The following TBC1D7 variants were observed in gnomAD, a reference collection of about 807,000 sequenced individuals.
TBC1D7 encodes TBC domain family 7.
A neutral mutation model predicts 35.3 loss-of-function variants in TBC1D7; 33 were observed. The ratio of observed to expected loss-of-function variants is 0.93; its 90% CI spans 0.71 to 1.25. The LOEUF is 1.25. Ranked by LOEUF, TBC1D7 falls within the 50% of genes most tolerant of loss-of-function variation. The pLI is 0.00. For missense variants in TBC1D7, 362 were observed against 365.3 expected (o/e 0.99, Z 0.07); for synonymous variants, 135 against 129.5 (o/e 1.04, Z -0.29).
At chr6:13,308,083 T>C (rs920129199) in intron 5 of TBC1D7, among the ~76,000 whole-genome samples, 1 of 152,164 alleles carries the variant, frequency 6.6e-6, no homozygotes, top group African/African-American at 2.4e-5. Flanking sequence ...CAAAATTCAG[T>C]TGTTCTGAGG....
chr6:13,306,255 T>C (rs933316130), intron 7 of TBC1D7, 143 bp downstream of exon 7: 1 of 599,362 alleles, frequency 1.7e-6, no homozygotes, highest in South Asian at 3.0e-5. Flanking sequence ...ATCATTATTA[T>C]AATTATTCTC....
At chr6:13,315,276 C>T (rs919971925) in intron 5 of TBC1D7, among the ~76,000 whole-genome samples, 2 of 152,172 alleles carry the variant, frequency 1.3e-5, no homozygotes, top group Non-Finnish European at 2.9e-5. Flanking sequence ...GCCTACTCAA[C>T]GTGAAGACAA....
chr6:13,319,200 CAGTAA>C, intron 4 of TBC1D7: 1 of 152,406 alleles, frequency 6.6e-6, no homozygotes, highest in African/African-American at 2.4e-5. Flanking sequence ...TGGCTCACGC[CAGTAA>C]TCACAGCACT....
intron 5 of TBC1D7, among the ~76,000 whole-genome samples, chr6:13,309,099 T>A (rs1562158094): frequency 6.6e-6 from 1 of 152,244 alleles, no homozygotes; most frequent in Non-Finnish European, 1.5e-5. Context: ...AACCTCCCTA[T>A]ACTGCTCAAC....
rs780423172 is a variant in TBC1D7, at chr6:13,320,760, T to C, written c.381+148A>G. 8.7e-6 allele frequency: 7 copies of C among 802,710 alleles called. No individual in the cohort carries two copies. The South Asian group carries it at 9.4e-5, about 11-fold the overall frequency. The allele number at this position is 802,710 out of a possible 1,614,324, so 49.7% of individuals were successfully genotyped here. A position where few individuals can be genotyped will look rare whatever the true frequency, so the allele number is the denominator to read the frequency against. On this transcript the variant is annotated intron_variant, in intron 4 of 7. Transcript: ENST00000379300. ...GGTTGGGTCAGAATGTGCATGGCCA[T>C]GAATGCCAAGTAAAGATGTGTCACT... is the stretch of plus-strand genomic sequence containing the variant.
intron 5 of TBC1D7, among the ~76,000 whole-genome samples, chr6:13,312,191 A>G (rs1214520307): frequency 6.6e-6 from 1 of 152,196 alleles, no homozygotes; most frequent in Admixed American, 6.5e-5. Context: ...ATGTAAATTT[A>G]GCACTGCCTG....
intron 2 of TBC1D7, 25 bp downstream of exon 2, chr6:13,326,762 G>T: frequency 7.0e-7 from 1 of 1,434,156 alleles, no homozygotes; most frequent in Non-Finnish European, 9.8e-7. Context: ...GAGAACCAAT[G>T]AGATTAATTT....
intron 3 of TBC1D7, among the ~76,000 whole-genome samples, chr6:13,322,330 AC>A (rs1236383537): frequency 2.6e-5 from 4 of 152,218 alleles, no homozygotes; most frequent in African/African-American, 9.6e-5. Context: ...ATGAGGCTCT[AC>A]AGAAGTACAG....
At chr6:13,316,790 C>G (rs1163677317) in intron 4 of TBC1D7, 82 bp from the exon 5 acceptor site, 1 of 1,528,668 alleles carries the variant, frequency 6.5e-7, no homozygotes. Context: ...TGAAACCTTG[C>G]TCCCTAAATT....
chr6:13,306,531 C>A lies in TBC1D7; in HGVS notation c.666-4G>T, dbSNP rs757714673. 1 of 1,579,892 alleles carries A rather than the reference C, an allele frequency of 6.3e-7. No homozygotes were observed. The highest frequency in any genetic ancestry group is 1.2e-5 in the South Asian group (1 of 85,714). On this transcript the variant is annotated splice_region_variant and splice_polypyrimidine_tract_variant and intron_variant, in intron 6 of 7. Transcript: ENST00000379300. ...ACTCACAACTTTATCCCAAACCCTA[C>A]AAAAATAAGGAGATATAATCAAATT...
rs1783651649 is a variant in TBC1D7, at chr6:13,316,715, G to T, written c.382-7C>A. On this transcript the variant is annotated splice_region_variant and splice_polypyrimidine_tract_variant and intron_variant, in intron 4 of 7. Coordinates refer to ENST00000379300, the MANE Select transcript of TBC1D7 (RefSeq NM_016495.6). ...ACACTTCATCATCTGGCTCCTGAAAGATTAATAATAAATCTCAAGAGGAAG... is the reference window on the plus strand; with the variant it reads ...ACACTTCATCATCTGGCTCCTGAAATATTAATAATAAATCTCAAGAGGAAG... 3.7e-6 allele frequency: 6 copies of T among 1,612,980 alleles called. No homozygotes were observed. Among genetic ancestry groups the T allele is most frequent in the African/African-American group, 1.3e-5 (1 of 75,002 alleles).
At chr6:13,314,011 G>T (rs948109253) in intron 5 of TBC1D7, among the ~76,000 whole-genome samples, 2 of 152,142 alleles carry the variant, frequency 1.3e-5, no homozygotes, top group African/African-American at 4.8e-5. Flanking sequence ...CACAAGGTCA[G>T]ATCGAGAGCA....
intron 4 of TBC1D7, chr6:13,319,749 T>C (rs1276019088): frequency 6.6e-6 from 1 of 152,152 alleles, no homozygotes; most frequent in Non-Finnish European, 1.5e-5. Context: ...CCAACATTAT[T>C]TAAAAAGTTA....
chr6:13,309,466 A>G (rs1783043482), intron 5 of TBC1D7, among the ~76,000 whole-genome samples: 1 of 152,268 alleles, frequency 6.6e-6, no homozygotes, highest in Non-Finnish European at 1.5e-5. Flanking sequence ...GAGCAAATCA[A>G]TACTGTGAAT....
chr6:13,328,171 G>A (rs1434224416), intron 1 of TBC1D7, 125 bp downstream of exon 1: 1 of 152,216 alleles, frequency 6.6e-6, no homozygotes. Flanking sequence ...CAATGACAAA[G>A]GCGTCCTCTA....
chr6:13,320,884 T>A, intron 4 of TBC1D7, 24 bp downstream of exon 4: 1 of 1,611,984 alleles, frequency 6.2e-7, no homozygotes, highest in Non-Finnish European at 8.5e-7. Flanking sequence ...TTGAGCTTAG[T>A]GTCAGACAAA....
intron 4 of TBC1D7, chr6:13,318,910 G>A (rs1478464910): frequency 6.6e-6 from 1 of 152,182 alleles, no homozygotes; most frequent in Non-Finnish European, 1.5e-5. Flanking sequence ...AAGTCTCAAA[G>A]TACTTCTCCA....
chr6:13,313,181 T>C (rs999541971), intron 5 of TBC1D7, among the ~76,000 whole-genome samples: 8 of 152,348 alleles, frequency 5.3e-5, no homozygotes, highest in African/African-American at 1.7e-4. Flanking sequence ...ACTGTCTCAA[T>C]GAGTCCTAGA....
chr6:13,318,186 C>T (rs563071282), intron 4 of TBC1D7: 1 of 152,412 alleles, frequency 6.6e-6, no homozygotes, highest in African/African-American at 2.4e-5. Context: ...TCCTGGACTT[C>T]CCAGCTTCTA....
Sources: gnomAD v4.1 joint callset for allele counts (sites outside exome capture counted in the v4.1 genomes callset) on GRCh38, gnomAD v4.1.1 for gene constraint, MANE v1.5 for transcripts, NCBI Gene and HGNC (gene_info 2026-07-23, HGNC 2026-07-21) for gene names.